Variants in SPATA24 observed in about 807,000 individuals in gnomAD.
The protein encoded by SPATA24 is spermatogenesis associated 24.
Under a neutral mutation model 28.9 loss-of-function variants are expected in SPATA24, and 21 were observed. That is an observed-to-expected ratio of 0.73 (90% confidence interval 0.52 to 1.05). SPATA24 has a LOEUF of 1.05. SPATA24 is among the 50% of genes least tolerant of loss of function. The probability of loss-of-function intolerance (pLI) is 0.00; values close to 1 mark genes in which losing one functional copy is unlikely to be tolerated. For synonymous variants in SPATA24, 76 were observed against 89.9 expected, an observed-to-expected ratio of 0.85 and a Z score of 0.88; for missense variants, 215 against 242.9, an observed-to-expected ratio of 0.88 and a Z score of 0.76.
In SPATA24 at chr5:139,403,964, T is replaced by G. The variant is rs1758877114; in HGVS notation, c.97A>C (p.Ile33Leu). Reference sequence around the variant, plus strand: ...CATACCACGTTCCTCAGCTGGTGGATTAGTTCCTCCTGAGACTCAATCACG... The same window carrying G: ...CATACCACGTTCCTCAGCTGGTGGAGTAGTTCCTCCTGAGACTCAATCACG... ...RDVIESQEEL[I>L]HQLRNVMVLQ... Residue 33 changes from isoleucine (I) to leucine (L), a missense_variant, in exon 1 of 6, where the codon ATC becomes CTC. Transcript: ENST00000450845. The G allele has an allele frequency of 6.4e-7, 1 of 1,551,584 alleles. No individual in the cohort carries two copies. The highest frequency in any genetic ancestry group is 8.7e-7 in the Non-Finnish European group (1 of 1,146,938).
At chr5:139,397,285 G>A in intron 4 of SPATA24, 142 bp from the exon 5 acceptor site, 1 of 634,574 alleles carries the variant, frequency 1.6e-6, no homozygotes, top group East Asian at 2.7e-5. Context: ...ACCTTAGTAT[G>A]AATGAGTTTA....
chr5:139,399,982 C>T (rs1758788676), intron 4 of SPATA24, among the ~76,000 whole-genome samples: 1 of 152,186 alleles, frequency 6.6e-6, no homozygotes, highest in African/African-American at 2.4e-5. Context: ...AGGGAGAGGG[C>T]AAGACTGAGG....
downstream of SPATA24, chr5:139,394,090 C>T: frequency 6.4e-7 from 1 of 1,550,654 alleles, no homozygotes; most frequent in Non-Finnish European, 8.7e-7. Flanking sequence ...CGGCTCCGTC[C>T]CGGGCGCAGG....
chr5:139,395,147 C>T, downstream of SPATA24: 1 of 1,347,756 alleles, frequency 7.4e-7, no homozygotes, highest in Non-Finnish European at 9.6e-7. Flanking sequence ...CGGCACTGTC[C>T]CCGCCCCGCC....
downstream of SPATA24, chr5:139,393,401 CTG>C (rs775037993): frequency 2.6e-6 from 4 of 1,551,692 alleles, no homozygotes; most frequent in South Asian, 4.8e-5. Flanking sequence ...CTCTGCATCT[CTG>C]TTGGTTCTGG....
chr5:139,392,581 G>A (rs1014973280), downstream of SPATA24: 2 of 1,359,228 alleles, frequency 1.5e-6, no homozygotes, highest in African/African-American at 1.5e-5. This position sits in a 1 kb window ranked among gnomAD's most constrained non-coding sequence, Gnocchi z 5.8. Context: ...CCGCGGGAGT[G>A]GCGCCTGGAC....
intron 4 of SPATA24, among the ~76,000 whole-genome samples, chr5:139,399,153 TA>T (rs1423252819): frequency 3.3e-5 from 5 of 151,704 alleles, no homozygotes; most frequent in African/African-American, 7.3e-5. Context: ...TTGTCTCTAC[TA>T]AAAATACAAA....
chr5:139,394,320 C>G (rs1001898730), downstream of SPATA24: 70 of 1,483,024 alleles, frequency 4.7e-5, no homozygotes, highest in Non-Finnish European at 6.0e-5. Context: ...TTCTGGCCAA[C>G]GCCGTCTGCA....
downstream of SPATA24, chr5:139,393,234 GC>G: frequency 3.4e-5 from 53 of 1,549,034 alleles, no homozygotes; most frequent in Non-Finnish European, 4.6e-5. Context: ...CCATGCGCGG[GC>G]GTCCCGAGGC....
downstream of SPATA24, chr5:139,396,229 G>A: frequency 1.2e-5 from 12 of 985,346 alleles, no homozygotes; most frequent in South Asian, 4.7e-5. Flanking sequence ...CTCGGTGATG[G>A]CTTCTGAAAA....
downstream of SPATA24, chr5:139,396,112 C>T: frequency 1.1e-6 from 1 of 926,438 alleles, no homozygotes; most frequent in Non-Finnish European, 1.3e-6. Flanking sequence ...ACTGCCCCCT[C>T]CTGTGCACTT....
downstream of SPATA24, chr5:139,396,598 G>A (rs143610531): frequency 3.6e-4 from 514 of 1,416,194 alleles, 3 homozygotes; most frequent in African/African-American, 6.4e-3. Context: ...TATAGGAAGG[G>A]ATTAAATACC....
downstream of SPATA24, chr5:139,392,529 G>C: frequency 1.5e-6 from 2 of 1,351,314 alleles, no homozygotes; most frequent in Non-Finnish European, 1.9e-6. The surrounding 1 kb of genome is among the most constrained non-coding windows in gnomAD (Gnocchi z 5.8). Context: ...AGGCAGCGCG[G>C]GGCTGGGCTG....
intron 4 of SPATA24, among the ~76,000 whole-genome samples, chr5:139,398,805 C>CAAAGT (rs370923225): frequency 1.2e-4 from 14 of 117,334 alleles, no homozygotes; most frequent in African/African-American, 2.4e-4. Context: ...GGGTGGATCA[C>CAAAGT]CTGAGGTCAG....
downstream of SPATA24, chr5:139,393,776 C>T (rs1449437276): frequency 2.6e-6 from 4 of 1,551,444 alleles, no homozygotes; most frequent in East Asian, 4.9e-5. Context: ...TTTTCCCACT[C>T]GGAGGAGGCT....
At chr5:139,395,689 A>G (rs1343295512), downstream of SPATA24, 1 of 152,314 alleles carries the variant, frequency 6.6e-6, no homozygotes, top group Non-Finnish European at 1.5e-5. Flanking sequence ...GAGCACCGCT[A>G]GAGGCTTCCC....
downstream of SPATA24, chr5:139,394,955 G>C (rs528525057): frequency 1.8e-3 from 2,783 of 1,521,576 alleles, 49 homozygotes; most frequent in African/African-American, 0.034. Context: ...ACGTCCGGGG[G>C]CTCCGGAGAA....
intron 4 of SPATA24, among the ~76,000 whole-genome samples, chr5:139,399,594 T>C (rs961853886): frequency 1.3e-5 from 2 of 152,226 alleles, no homozygotes; most frequent in African/African-American, 4.8e-5. Flanking sequence ...TGTGTGACTC[T>C]TTGAAAATAA....
At chr5:139,399,685 C>G (rs1272776772) in intron 4 of SPATA24, among the ~76,000 whole-genome samples, 2 of 152,184 alleles carry the variant, frequency 1.3e-5, no homozygotes, top group Non-Finnish European at 2.9e-5. Context: ...AAAAACCAAA[C>G]TGAAACCACA....
Sources: allele counts gnomAD v4.1 joint callset (sites outside exome capture counted in the v4.1 genomes callset), GRCh38; gene constraint gnomAD v4.1.1; non-coding constraint Gnocchi (gnomAD v3.1); transcripts MANE v1.5; gene names NCBI Gene and HGNC (gene_info 2026-07-23, HGNC 2026-07-21).